The following NRG1 variants were observed in gnomAD, a reference collection of about 807,000 sequenced individuals.
The protein encoded by NRG1 is pro-neuregulin-1, membrane-bound isoform.
A neutral mutation model predicts 63.8 loss-of-function variants in NRG1; 18 were observed. The ratio of observed to expected loss-of-function variants is 0.28; its 90% confidence interval spans 0.19 to 0.42. The LOEUF (loss-of-function observed/expected upper bound fraction) is 0.42. Ranked by LOEUF, NRG1 falls within the 10% of genes least tolerant of loss-of-function variation. The probability of loss-of-function intolerance (pLI) is 1.00; values close to 1 mark genes in which losing one functional copy is unlikely to be tolerated. For synonymous variants in NRG1, 302 were observed against 301.3 expected, an observed-to-expected ratio of 1.00 and a Z score of -0.02; for missense variants, 762 against 814.7, an observed-to-expected ratio of 0.94 and a Z score of 0.79.
intron 1 of NRG1, among the ~76,000 whole-genome samples, chr8:32,377,318 G>A (rs1809756074): frequency 6.6e-6 from 1 of 152,316 alleles, no homozygotes; most frequent in Non-Finnish European, 1.5e-5. Context: ...TTTTCAACCA[G>A]AGCTAACATT....
intron 1 of NRG1, among the ~76,000 whole-genome samples, chr8:32,341,315 A>C (rs928859562): frequency 6.6e-5 from 10 of 152,234 alleles, no homozygotes; most frequent in African/African-American, 2.4e-4. Context: ...AAACCTGTTC[A>C]CTTAGCAGGC....
chr8:32,009,593 A>T (rs1050088527), intron 1 of NRG1, among the ~76,000 whole-genome samples: 2 of 151,992 alleles, frequency 1.3e-5, no homozygotes, highest in African/African-American at 4.8e-5. Context: ...GATGTTAAAA[A>T]GTTCTAATGG....
chr8:32,300,367 G>A (rs1341836513), intron 1 of NRG1, among the ~76,000 whole-genome samples: 9 of 152,172 alleles, frequency 5.9e-5, no homozygotes, highest in Admixed American at 5.2e-4. Flanking sequence ...TTCATCAAGA[G>A]ACATAGATAG....
At chr8:32,318,840 C>T (rs1801054714) in intron 1 of NRG1, among the ~76,000 whole-genome samples, 1 of 152,094 alleles carries the variant, frequency 6.6e-6, no homozygotes, top group South Asian at 2.1e-4. Flanking sequence ...TCTTATTAAT[C>T]CCACGTTTTC....
At position 31,976,364 on chromosome 8, in the gene NRG1, A is replaced by T. The variant is rs144742629; in HGVS notation, c.37+336933A>T. Among the ~76,000 whole-genome samples, 16 of 152,228 alleles carry T rather than the reference A, an allele frequency of 1.1e-4. 1 individual carries two copies. The highest frequency in any genetic ancestry group is 3.4e-4 in the African/African-American group (14 of 41,536). ...TTGTAGGTTTCTGAGCTATTTTTGTACTGTCTACATATCTTGATTAGCTAA... is the reference window on the plus strand; with the variant it reads ...TTGTAGGTTTCTGAGCTATTTTTGTTCTGTCTACATATCTTGATTAGCTAA... On this transcript the variant is annotated intron_variant, in intron 1 of 10. Transcript: ENST00000519301.
chr8:32,364,256 T>G (rs544149332), intron 1 of NRG1, among the ~76,000 whole-genome samples: 3 of 152,150 alleles, frequency 2.0e-5, no homozygotes, highest in Non-Finnish European at 4.4e-5. Context: ...TTCATGCAAC[T>G]TGCACAAAAG....
chr8:32,241,726 T>C (rs1848114710), intron 1 of NRG1, among the ~76,000 whole-genome samples: 1 of 120,516 alleles, frequency 8.3e-6, no homozygotes, highest in African/African-American at 2.7e-5. Flanking sequence ...CAGAGCAGTG[T>C]AATGTACTTG....
In NRG1 at chr8:32,339,144, A is replaced by G. The variant is rs60729010; in HGVS notation, c.38-256684A>G. 3.1e-3 allele frequency among the ~76,000 whole-genome samples: 473 copies of G among 152,292 alleles called. 4 individuals carry two copies. The highest frequency in any genetic ancestry group is 0.011 in the African/African-American group (457 of 41,572). On this transcript the variant is annotated intron_variant, in intron 1 of 10. Transcript: ENST00000519301. The stretch of plus-strand genomic sequence containing the variant: ...ATCTTTTCCTCTTAACATTATTTCC[A>G]TGTACTACAGTTCCCTCTCCCTAAA...
intron 1 of NRG1, among the ~76,000 whole-genome samples, chr8:32,583,264 C>T (rs1283305481): frequency 6.6e-6 from 1 of 152,058 alleles, no homozygotes; most frequent in Non-Finnish European, 1.5e-5. Flanking sequence ...GTTTTTACAA[C>T]TGTATTGAAA....
intron 1 of NRG1, among the ~76,000 whole-genome samples, chr8:32,139,658 A>G (rs1835989371): frequency 6.6e-6 from 1 of 152,198 alleles, no homozygotes; most frequent in African/African-American, 2.4e-5. Context: ...TTGAAAGGGT[A>G]AGATTCAATG....
chr8:32,263,235 G>C (rs1284321690), intron 1 of NRG1, among the ~76,000 whole-genome samples: 1 of 152,090 alleles, frequency 6.6e-6, no homozygotes. Flanking sequence ...GCTATTATTA[G>C]CTCCATGGTA....
chr8:31,639,577 T>C (rs1585331843), intron 1 of NRG1: 3 of 1,438,524 alleles, frequency 2.1e-6, no homozygotes, highest in East Asian at 5.2e-5. Flanking sequence ...GCAGCATCAC[T>C]TCACACAAAG....
chr8:32,592,917 T>C lies in NRG1; in HGVS notation c.101-2911T>C, dbSNP rs191350896. Reference sequence around the variant, plus strand: ...AGCCTACTGTTGACTGGAAGTCTTATCGATCACACAAACAGTTGATTAATA... The same window carrying C: ...AGCCTACTGTTGACTGGAAGTCTTACCGATCACACAAACAGTTGATTAATA... On this transcript the variant is annotated intron_variant, in intron 1 of 11. Coordinates refer to ENST00000356819, the Ensembl canonical transcript of NRG1. 2.8e-3 allele frequency among the ~76,000 whole-genome samples: 419 copies of C among 152,328 alleles called. 1 individual carries two copies. Among genetic ancestry groups the C allele is most frequent in the African/African-American group, 9.6e-3 (397 of 41,570 alleles).
At chr8:32,715,355 C>T (rs16879809) in intron 5 of NRG1, among the ~76,000 whole-genome samples, 18,201 of 152,142 alleles carry the variant, frequency 0.12, 1,567 homozygotes, top group East Asian at 0.39. Flanking sequence ...AGCAATGACT[C>T]ACTTCCCTCA....
chr8:32,604,650 C>T (rs1466033693), intron 2 of NRG1, among the ~76,000 whole-genome samples: 1 of 152,070 alleles, frequency 6.6e-6, no homozygotes, highest in South Asian at 2.1e-4. Flanking sequence ...ACACTACAGC[C>T]TTGAATTCTT....
intron 1 of NRG1, among the ~76,000 whole-genome samples, chr8:32,199,927 G>A (rs549099837): frequency 8.0e-4 from 121 of 152,038 alleles, no homozygotes; most frequent in African/African-American, 2.7e-3. Flanking sequence ...TTACAGGTGC[G>A]CACCATCATG....
chr8:32,461,364 C>T (rs1725825081), intron 1 of NRG1, among the ~76,000 whole-genome samples: 1 of 152,066 alleles, frequency 6.6e-6, no homozygotes. Flanking sequence ...TAGCTGTTGT[C>T]TATAAGGAAA....
At chr8:31,773,577 A>G (rs1004334734) in intron 1 of NRG1, among the ~76,000 whole-genome samples, 2 of 152,206 alleles carry the variant, frequency 1.3e-5, no homozygotes, top group African/African-American at 4.8e-5. Flanking sequence ...GCTCCACACA[A>G]CAGCCAGAGG....
chr8:31,647,065 C>T (rs1804356209), intron 1 of NRG1, among the ~76,000 whole-genome samples: 1 of 152,174 alleles, frequency 6.6e-6, no homozygotes, highest in African/African-American at 2.4e-5. Flanking sequence ...GAACCCTTAC[C>T]ACTGTTTTCA....
Sources: gnomAD v4.1 joint callset for allele counts (sites outside exome capture counted in the v4.1 genomes callset) on GRCh38, gnomAD v4.1.1 for gene constraint, MANE v1.5 for transcripts, NCBI Gene and HGNC (gene_info 2026-07-23, HGNC 2026-07-21) for gene names.